CLEC2D: variants seen among roughly 807,000 people sequenced by gnomAD.
The protein encoded by CLEC2D is C-type lectin related f.
CLEC2D carries 16 observed loss-of-function variants against 20.0 expected under a neutral mutation model. The ratio of observed to expected loss-of-function variants is 0.80; its 90% CI spans 0.54 to 1.22. CLEC2D has a LOEUF of 1.22. Ranked by LOEUF, CLEC2D falls within the 50% of genes most tolerant of loss-of-function variation. The pLI, the probability that CLEC2D is intolerant of heterozygous loss-of-function variation, is 0.00. For missense variants in CLEC2D, 207 were observed against 221.5 expected (o/e 0.93, Z 0.42); for synonymous variants, 77 against 71.1 (o/e 1.08, Z -0.42).
chr12:9,688,832 ACTGT>A (rs1865808536), intron 3 of CLEC2D, among the ~76,000 whole-genome samples: 1 of 152,228 alleles, frequency 6.6e-6, no homozygotes, highest in Non-Finnish European at 1.5e-5. Flanking sequence ...ACTGTCAAAA[ACTGT>A]CTGAAGTAAC....
intron 2 of CLEC2D, among the ~76,000 whole-genome samples, chr12:9,686,854 C>T (rs1865759099): frequency 6.6e-6 from 1 of 152,178 alleles, no homozygotes. Flanking sequence ...CACTAAATCT[C>T]CTTAGTGGAA....
intron 1 of CLEC2D, among the ~76,000 whole-genome samples, chr12:9,677,201 G>T (rs1300322796): frequency 6.6e-6 from 1 of 151,874 alleles, no homozygotes; most frequent in Non-Finnish European, 1.5e-5. Context: ...TGTAAACTTA[G>T]ATCATTAATT....
rs1865986865 is a variant in CLEC2D, at chr12:9,696,095, A to C, written c.*1221A>C. The C allele has an allele frequency of 4.5e-6, 5 of 1,099,168 alleles. No individual in the cohort carries two copies. The highest frequency in any genetic ancestry group is 6.9e-6 in the Non-Finnish European group (5 of 725,516). 68.1% of individuals were successfully genotyped at this position (1,099,168 alleles called of 1,614,324 possible). A position where few individuals can be genotyped will look rare whatever the true frequency, so the allele number is the denominator to read the frequency against. On this transcript the variant is annotated 3_prime_UTR_variant, in exon 5 of 5. Coordinates refer to ENST00000290855, the MANE Select transcript of CLEC2D (RefSeq NM_013269.6). ...AGTTCTGTAGAAGACATTAAAGCAA[A>C]AATGCAAGCAAGTATAGAAAAACGT...
intron 1 of CLEC2D, 89 bp downstream of exon 1, chr12:9,669,884 T>C: frequency 2.0e-6 from 2 of 1,009,168 alleles, no homozygotes; most frequent in Non-Finnish European, 3.0e-6. Context: ...GGTGCTGATC[T>C]AGTAAAAAGT....
At chr12:9,683,437 A>T (rs1276776777) in intron 2 of CLEC2D, among the ~76,000 whole-genome samples, 2 of 149,222 alleles carry the variant, frequency 1.3e-5, no homozygotes, top group East Asian at 3.9e-4. Flanking sequence ...TTAATCATAA[A>T]ACCTTTGCCC....
rs1189690083 is a variant in CLEC2D, at chr12:9,698,362, G to A, written c.*3488G>A. 1 of 152,124 alleles carries A rather than the reference G, an allele frequency of 6.6e-6. No homozygotes were observed. The highest frequency in any genetic ancestry group is 1.5e-5 in the Non-Finnish European group (1 of 68,014). 9.4% of individuals were successfully genotyped at this position (152,124 alleles called of 1,614,324 possible). ...ACTGAAACCTACTACCCTGTGACAT[G>A]TGGGGAACATCTCTCTATTCCCCAG... On this transcript the variant is annotated 3_prime_UTR_variant, in exon 5 of 5. Transcript: ENST00000290855.
chr12:9,693,995 T>C (rs957629726), intron 4 of CLEC2D: 36 of 220,898 alleles, frequency 1.6e-4, no homozygotes, highest in East Asian at 1.6e-3. Flanking sequence ...TTTTTTTTTT[T>C]CAGCGATGGG....
Position 9,687,985 on chromosome 12 carries a change from T to A in CLEC2D, c.256T>A (p.Cys86Ser). The A allele has an allele frequency of 6.2e-7, 1 of 1,612,708 alleles. No homozygotes were observed. Among genetic ancestry groups the A allele is most frequent in the Non-Finnish European group, 8.5e-7 (1 of 1,179,354 alleles). Residue 86 changes from cysteine to serine, a missense_variant, in exon 3 of 5, where the codon TGT becomes AGT. By Grantham distance (112) the Cys-to-Ser change is moderately radical (BLOSUM62 -1). Coordinates refer to ENST00000290855, the MANE Select transcript of CLEC2D (RefSeq NM_013269.6). ...PESWIGFQRK[C>S]FYFSDDTKNW... ...AAGCTGGATTGGTTTTCAAAGAAAG[T>A]GTTTCTATTTTTCTGATGACACCAA...
intron 3 of CLEC2D, among the ~76,000 whole-genome samples, chr12:9,691,980 A>T (rs1159571650): frequency 6.6e-6 from 1 of 152,234 alleles, no homozygotes; most frequent in Non-Finnish European, 1.5e-5. Context: ...AGAACTTGTA[A>T]TCATAAAAAG....
chr12:9,675,186 T>G (rs758330334), intron 1 of CLEC2D, among the ~76,000 whole-genome samples: 1 of 137,442 alleles, frequency 7.3e-6, no homozygotes, highest in Non-Finnish European at 1.6e-5. Flanking sequence ...TTTATTTGTC[T>G]ATTCCTTTTT....
chr12:9,675,115 A>G (rs769613588), intron 1 of CLEC2D, among the ~76,000 whole-genome samples: 9 of 149,740 alleles, frequency 6.0e-5, no homozygotes, highest in Non-Finnish European at 8.9e-5. Flanking sequence ...TCAGTTGACT[A>G]TATTTATCTG....
chr12:9,687,439 A>T (rs1236442871), intron 2 of CLEC2D, among the ~76,000 whole-genome samples: 1 of 152,104 alleles, frequency 6.6e-6, no homozygotes, highest in East Asian at 1.9e-4. Context: ...AGCTTCACTT[A>T]CTCATTCGCT....
chr12:9,688,196 T>A, intron 3 of CLEC2D, 110 bp downstream of exon 3: 1 of 1,033,096 alleles, frequency 9.7e-7, no homozygotes, highest in Non-Finnish European at 1.2e-6. Context: ...ATTGATTTTT[T>A]TTTTTTTTTT....
chr12:9,689,281 A>T (rs887557820), intron 3 of CLEC2D, among the ~76,000 whole-genome samples: 7 of 152,336 alleles, frequency 4.6e-5, no homozygotes, highest in Admixed American at 3.3e-4. Context: ...GATTTCAATG[A>T]CCATGCACAA....
chr12:9,695,653 G>A lies in CLEC2D; in HGVS notation c.*779G>A. The A allele has an allele frequency of 6.3e-7, 1 of 1,576,550 alleles. No homozygotes were observed. ...TGTACAGCCAACGGTTTCTCTTGGG[G>A]GCTTTGAAATAACACCACCAGTGGA... is the stretch of plus-strand genomic sequence containing the variant. On this transcript the variant is annotated 3_prime_UTR_variant, in exon 5 of 5. Coordinates refer to ENST00000290855, the MANE Select transcript of CLEC2D (RefSeq NM_013269.6).
chr12:9,688,753 A>C (rs1249193030), intron 3 of CLEC2D, among the ~76,000 whole-genome samples: 1 of 152,164 alleles, frequency 6.6e-6, no homozygotes, highest in East Asian at 1.9e-4. Context: ...GTCAAGCAAG[A>C]ATGATGTCAT....
chr12:9,691,988 A>C (rs1451203655), intron 3 of CLEC2D, among the ~76,000 whole-genome samples: 1 of 152,258 alleles, frequency 6.6e-6, no homozygotes, highest in Non-Finnish European at 1.5e-5. Context: ...TAATCATAAA[A>C]AGGACAGTAC....
intron 1 of CLEC2D, among the ~76,000 whole-genome samples, chr12:9,677,707 C>CTTTT (rs36120151): frequency 1.0e-3 from 127 of 122,332 alleles, no homozygotes; most frequent in Non-Finnish European, 1.3e-3. Context: ...TTCTTTCTTT[C>CTTTT]TTTTTTTTTT....
intron 1 of CLEC2D, among the ~76,000 whole-genome samples, chr12:9,679,222 A>C (rs1865583949): frequency 6.6e-6 from 1 of 152,194 alleles, no homozygotes; most frequent in South Asian, 2.1e-4. Context: ...TAGATCAATT[A>C]AGAATAAGAA....
Sources: allele counts gnomAD v4.1 joint callset (sites outside exome capture counted in the v4.1 genomes callset), GRCh38; gene constraint gnomAD v4.1.1; transcripts MANE v1.5; gene names NCBI Gene and HGNC (gene_info 2026-07-23, HGNC 2026-07-21).